NCOA7: variants seen among roughly 807,000 people sequenced by gnomAD.
NCOA7 encodes the protein nuclear receptor coactivator 7, also known as 140 kDa estrogen receptor-associated protein.
NCOA7 carries 45 observed loss-of-function variants against 104.3 expected under a neutral mutation model. The observed-to-expected ratio is 0.43, with a 90% CI of 0.34 to 0.55. The LOEUF is 0.55. NCOA7 is among the 20% of genes least tolerant of loss of function. The probability of loss-of-function intolerance (pLI) is 0.02; values close to 1 mark genes in which losing one functional copy is unlikely to be tolerated. For missense variants in NCOA7, 1,041 were observed against 1,119.7 expected (o/e 0.93, Z 1.00); for synonymous variants, 398 against 402.3 (o/e 0.99, Z 0.13).
At chr6:125,821,956 G>A (rs993554280) in intron 2 of NCOA7, among the ~76,000 whole-genome samples, 2 of 152,210 alleles carry the variant, frequency 1.3e-5, no homozygotes, top group Non-Finnish European at 2.9e-5. Flanking sequence ...GGAGCACAAA[G>A]TGTTATGCTC....
chr6:125,918,324 C>G (rs1215686855), intron 11 of NCOA7, among the ~76,000 whole-genome samples: 1 of 152,174 alleles, frequency 6.6e-6, no homozygotes, highest in Non-Finnish European at 1.5e-5. Context: ...GTCCGCTGTC[C>G]TGGAGTCCCA....
At chr6:125,891,582 C>T (rs140590480) in intron 10 of NCOA7, among the ~76,000 whole-genome samples, 30 of 152,260 alleles carry the variant, frequency 2.0e-4, no homozygotes, top group Non-Finnish European at 4.3e-4. Flanking sequence ...CATCATCTAG[C>T]CAGATATTCT....
intron 10 of NCOA7, among the ~76,000 whole-genome samples, chr6:125,897,047 C>T (rs1007921883): frequency 1.3e-5 from 2 of 152,188 alleles, no homozygotes; most frequent in African/African-American, 4.8e-5. Context: ...AATTCAAAGT[C>T]TCACTATCTC....
In NCOA7 at chr6:125,922,805, C is replaced by T. The variant is rs559928420; in HGVS notation, c.2494C>T (p.Leu832=). 3 of 1,614,014 alleles carry T rather than the reference C, an allele frequency of 1.9e-6. No individual in the cohort carries two copies. The highest frequency in any genetic ancestry group is 1.7e-5 in the Admixed American group (1 of 59,998). ...RKSASLDSPV[L]LVIKDMDNQI... The stretch of plus-strand genomic sequence containing the variant: ...ATCGGCATCACTAGACAGTCCTGTC[C>T]TATTGGTCATCAAAGATATGGATAA... The change falls in exon 13 of 16, where the codon CTA becomes TTA. Residue 832 remains leucine (L), a synonymous_variant. Coordinates refer to ENST00000392477, the MANE Select transcript of NCOA7 (RefSeq NM_181782.5).
intron 3 of NCOA7, among the ~76,000 whole-genome samples, chr6:125,856,533 T>C (rs1359928708): frequency 6.6e-6 from 1 of 152,074 alleles, no homozygotes; most frequent in Non-Finnish European, 1.5e-5. Context: ...TTTGTATATT[T>C]AGTAGAGACG....
At chr6:125,869,035 C>T (rs1782661252) in intron 3 of NCOA7, among the ~76,000 whole-genome samples, 1 of 152,190 alleles carries the variant, frequency 6.6e-6, no homozygotes, top group Non-Finnish European at 1.5e-5. Context: ...TGTTCAGATA[C>T]TTGTTAATAA....
intron 1 of NCOA7, chr6:125,802,303 C>G (rs1775972020): frequency 1.3e-5 from 2 of 152,084 alleles, no homozygotes; most frequent in African/African-American, 4.8e-5. Flanking sequence ...TGTATTTCAC[C>G]TTCATGGATT....
intron 10 of NCOA7, among the ~76,000 whole-genome samples, chr6:125,910,998 C>T (rs1447377996): frequency 2.6e-5 from 4 of 151,928 alleles, no homozygotes; most frequent in Admixed American, 6.6e-5. Context: ...ACAAAGTCAG[C>T]GGAGTCAAAG....
intron 10 of NCOA7, among the ~76,000 whole-genome samples, chr6:125,908,644 A>G (rs1368533353): frequency 6.6e-6 from 1 of 152,170 alleles, no homozygotes; most frequent in East Asian, 1.9e-4. Flanking sequence ...CTACTACCCC[A>G]TCCACCTTCC....
At chr6:125,818,411 CA>C (rs1173879863) in intron 2 of NCOA7, among the ~76,000 whole-genome samples, 1 of 151,986 alleles carries the variant, frequency 6.6e-6, no homozygotes, top group Non-Finnish European at 1.5e-5. Context: ...AAAAATGAAA[CA>C]AAAAACGTAT....
intron 6 of NCOA7, 90 bp from the exon 7 acceptor site, chr6:125,882,336 A>G: frequency 7.7e-7 from 1 of 1,303,664 alleles, no homozygotes; most frequent in Non-Finnish European, 1.1e-6. Context: ...GAAATAGTAT[A>G]CTCACAGGGA....
Position 125,929,032 on chromosome 6 carries a change from G to A in NCOA7, c.*261G>A. 3.0e-6 allele frequency: 1 copy of A among 338,464 alleles called. No homozygotes were observed. The highest frequency in any genetic ancestry group is 7.3e-5 in the South Asian group (1 of 13,634). 21.0% of individuals were successfully genotyped at this position (338,464 alleles called of 1,614,324 possible). ...ACTTCCTCCAAATCCATACAGTGAG[G>A]AATCAGAGTGTTTATAGATATATGA... is the stretch of plus-strand genomic sequence containing the variant. On this transcript the variant is annotated 3_prime_UTR_variant, in exon 16 of 16. Transcript: ENST00000392477.
chr6:125,854,478 G>A (rs1301999474), intron 2 of NCOA7, among the ~76,000 whole-genome samples: 5 of 152,156 alleles, frequency 3.3e-5, no homozygotes, highest in African/African-American at 7.2e-5. Context: ...AGGAAATGCA[G>A]CTCTTTCTTC....
At chr6:125,833,549 G>C (rs999390585) in intron 2 of NCOA7, among the ~76,000 whole-genome samples, 2 of 137,320 alleles carry the variant, frequency 1.5e-5, no homozygotes, top group Non-Finnish European at 3.1e-5. Flanking sequence ...CTCCAGTCTA[G>C]GCAACAGAGC....
chr6:125,851,741 C>T (rs775968878), intron 2 of NCOA7, among the ~76,000 whole-genome samples: 12 of 152,226 alleles, frequency 7.9e-5, no homozygotes, highest in Non-Finnish European at 1.5e-4. Context: ...TTCACCACAT[C>T]CACACCAACA....
chr6:125,852,306 C>A (rs1781195173), intron 2 of NCOA7, among the ~76,000 whole-genome samples: 1 of 152,120 alleles, frequency 6.6e-6, no homozygotes, highest in Non-Finnish European at 1.5e-5. Flanking sequence ...AGCGATTCTC[C>A]TGCCTCAGCC....
intron 10 of NCOA7, among the ~76,000 whole-genome samples, chr6:125,911,368 C>T (rs960943444): frequency 6.6e-6 from 1 of 152,176 alleles, no homozygotes; most frequent in East Asian, 1.9e-4. Flanking sequence ...CCTCCCTTCT[C>T]TTTTTTGTAA....
At chr6:125,793,144 A>G (rs897235122) in intron 1 of NCOA7, among the ~76,000 whole-genome samples, 4 of 152,096 alleles carry the variant, frequency 2.6e-5, no homozygotes, top group Admixed American at 2.6e-4. Context: ...AGTGGGAGGG[A>G]ACTTATGAAA....
intron 11 of NCOA7, among the ~76,000 whole-genome samples, chr6:125,915,705 A>G (rs1280942344): frequency 6.6e-6 from 1 of 152,138 alleles, no homozygotes; most frequent in East Asian, 1.9e-4. Context: ...AGATGAATCT[A>G]CTTATATTCT....
Sources: gnomAD v4.1 joint callset for allele counts (sites outside exome capture counted in the v4.1 genomes callset) on GRCh38, gnomAD v4.1.1 for gene constraint, MANE v1.5 for transcripts, NCBI Gene and HGNC (gene_info 2026-07-23, HGNC 2026-07-21) for gene names.